The following NTSR1 variants were observed in gnomAD, a reference collection of about 807,000 sequenced individuals.
NTSR1 encodes the protein neurotensin receptor 1, also known as neurotensin receptor type 1.
Under a neutral mutation model 31.2 loss-of-function variants are expected in NTSR1, and 29 were observed. The ratio of observed to expected loss-of-function variants is 0.93; its 90% CI spans 0.69 to 1.27. The LOEUF (loss-of-function observed/expected upper bound fraction) is 1.27, where lower values mean the gene tolerates loss of function less well. Ranked by LOEUF, NTSR1 falls within the 50% of genes most tolerant of loss-of-function variation. NTSR1 has a pLI of 0.00. For synonymous variants in NTSR1, 282 were observed against 269.9 expected (o/e 1.04, Z -0.44); for missense variants, 697 against 595.4 (o/e 1.17, Z -1.78).
intron 1 of NTSR1, among the ~76,000 whole-genome samples, chr20:62,716,272 G>T (rs1988715965): frequency 6.6e-6 from 1 of 152,118 alleles, no homozygotes; most frequent in South Asian, 2.1e-4. Flanking sequence ...AGAATCTCAG[G>T]CCTCCCCTGG....
chr20:62,753,466 A>AC (rs1306918782), intron 1 of NTSR1, among the ~76,000 whole-genome samples: 1 of 152,078 alleles, frequency 6.6e-6, no homozygotes, highest in Admixed American at 6.5e-5. Flanking sequence ...CACGGCAGAT[A>AC]CCCCTGGACT....
chr20:62,720,233 G>C (rs772367738), intron 1 of NTSR1, among the ~76,000 whole-genome samples: 4 of 152,206 alleles, frequency 2.6e-5, no homozygotes, highest in Non-Finnish European at 5.9e-5. Context: ...TCGGGAGGTG[G>C]AGGTTGCAAT....
At chr20:62,757,915 C>G (rs1989539204) in intron 2 of NTSR1, among the ~76,000 whole-genome samples, 2 of 151,844 alleles carry the variant, frequency 1.3e-5, no homozygotes, top group Non-Finnish European at 2.9e-5. Flanking sequence ...CATGTCTCCC[C>G]CACTGAGCCC....
At chr20:62,752,300 T>C (rs1346509340) in intron 1 of NTSR1, among the ~76,000 whole-genome samples, 4 of 152,282 alleles carry the variant, frequency 2.6e-5, no homozygotes, top group Non-Finnish European at 1.5e-5. Flanking sequence ...GGCAGCTCCT[T>C]ACCCAGAGCG....
intron 1 of NTSR1, among the ~76,000 whole-genome samples, chr20:62,747,525 C>T (rs1989321798): frequency 6.8e-6 from 1 of 147,998 alleles, no homozygotes. Flanking sequence ...GTGTAAAGGC[C>T]ACGTATGACA....
rs1989349743 is a variant in NTSR1 at position 62,749,116 on chromosome 20, T to C, written c.715-5569T>C. 2.6e-5 allele frequency among the ~76,000 whole-genome samples: 4 copies of C among 152,138 alleles called. 1 individual carries two copies. In the South Asian group the frequency reaches 8.3e-4, roughly 32 times the overall value. ...GGGAAAAAGCAGTCTCCTCAAACAG[T>C]GATGGGAAAACTGGATATCCCCATG... On this transcript the variant is annotated intron_variant, in intron 1 of 3. Transcript: ENST00000370501.
Position 62,762,695 on chromosome 20 carries a change from A to T in NTSR1, c.*2428A>T, listed in dbSNP as rs2147152591. On this transcript the variant is annotated 3_prime_UTR_variant, in exon 4 of 4. Coordinates refer to ENST00000370501, the MANE Select transcript of NTSR1 (RefSeq NM_002531.3). ...CCTCACAGCTCAAACGCCCACCCCC[A>T]CTCCCACCATCTGCAGGTGGTGAAA... is the stretch of plus-strand genomic sequence containing the variant. The T allele has an allele frequency of 6.7e-6, 1 of 150,096 alleles. No individual in the cohort carries two copies. Among genetic ancestry groups the T allele is most frequent in the African/African-American group, 2.5e-5 (1 of 40,620 alleles). The allele number at this position is 150,096 out of a possible 1,614,324, so 9.3% of individuals were successfully genotyped here. A position where few individuals can be genotyped will look rare whatever the true frequency, so the allele number is the denominator to read the frequency against.
At chr20:62,739,398 C>A (rs575349435) in intron 1 of NTSR1, among the ~76,000 whole-genome samples, 5 of 152,328 alleles carry the variant, frequency 3.3e-5, no homozygotes, top group African/African-American at 4.8e-5. Flanking sequence ...ACAGAAGGGG[C>A]CTGGCTGAAG....
intron 1 of NTSR1, among the ~76,000 whole-genome samples, chr20:62,730,030 C>T (rs1233657443): frequency 6.6e-6 from 1 of 152,122 alleles, no homozygotes; most frequent in East Asian, 1.9e-4. Context: ...CTGTTAATAA[C>T]AGGTGTCTCC....
intron 1 of NTSR1, among the ~76,000 whole-genome samples, chr20:62,712,118 A>G (rs1027400377): frequency 6.6e-6 from 1 of 152,208 alleles, no homozygotes; most frequent in Non-Finnish European, 1.5e-5. Context: ...GTGTGCTTGA[A>G]AAGAACATTC....
Position 62,740,561 on chromosome 20 carries a change from G to A in NTSR1, c.715-14124G>A, listed in dbSNP as rs116750830. On this transcript the variant is annotated intron_variant, in intron 1 of 3. Transcript: ENST00000370501. ...AGGCGGGAGGGAAAAGGGTTGTGCC[G>A]ACAGTCTGAGGGTGGAGACCAGAGC... Among the ~76,000 whole-genome samples the A allele has an allele frequency of 8.0e-3, 1,211 of 152,154 alleles. 13 individuals are homozygous for A. Among genetic ancestry groups the A allele is most frequent in the African/African-American group, 0.014 (560 of 41,474 alleles).
In NTSR1 at chr20:62,747,264, A is replaced by G. The variant is rs561157662; in HGVS notation, c.715-7421A>G. ...ACACAATAAAGGCCACGTATGACAG[A>G]CCCACAGCTAACACCACACTCAGTG... On this transcript the variant is annotated intron_variant, in intron 1 of 3. Coordinates refer to ENST00000370501, the MANE Select transcript of NTSR1 (RefSeq NM_002531.3). 2.6e-5 allele frequency among the ~76,000 whole-genome samples: 4 copies of G among 151,552 alleles called. No homozygotes were observed. In the South Asian group the frequency reaches 8.3e-4, roughly 32 times the overall value.
intron 2 of NTSR1, among the ~76,000 whole-genome samples, chr20:62,757,006 A>G (rs1989524721): frequency 6.6e-6 from 1 of 152,116 alleles, no homozygotes. Context: ...GTGATTTGCA[A>G]ATATTTTCTC....
intron 1 of NTSR1, among the ~76,000 whole-genome samples, chr20:62,736,863 G>C (rs1161426198): frequency 1.3e-5 from 2 of 152,218 alleles, no homozygotes; most frequent in African/African-American, 4.8e-5. Flanking sequence ...GATCGTGGGG[G>C]CGGTTCCCCC....
At chr20:62,721,386 C>T (rs1568698161) in intron 1 of NTSR1, among the ~76,000 whole-genome samples, 1 of 152,150 alleles carries the variant, frequency 6.6e-6, no homozygotes, top group African/African-American at 2.4e-5. Context: ...GGTTCTTTTT[C>T]TGTTAAGTAA....
At chr20:62,736,944 T>TCACTCACACCGTCCTGCTGC (rs1989106689) in intron 1 of NTSR1, among the ~76,000 whole-genome samples, 1 of 152,212 alleles carries the variant, frequency 6.6e-6, no homozygotes, top group African/African-American at 2.4e-5. Context: ...TGCCCTGCTG[T>TCACTCACACCGTCCTGCTGC]CACTCACACC....
Position 62,716,000 on chromosome 20 carries a change from T to C in NTSR1, c.714+6079T>C, listed in dbSNP as rs114634653. 8.2e-3 allele frequency among the ~76,000 whole-genome samples: 1,243 copies of C among 152,340 alleles called. 14 individuals are homozygous for C. The highest frequency in any genetic ancestry group is 0.029 in the African/African-American group (1,190 of 41,574). On this transcript the variant is annotated intron_variant, in intron 1 of 3. Transcript: ENST00000370501. The surrounding 1 kb of genome is among the most constrained non-coding windows in gnomAD (Gnocchi z 4.7). Reference sequence around the variant, plus strand: ...TCACGTGGTGATCTAGTAGTTTGTATTAAGAGAAGAAAGAAGCTTTTCTTT... The same window carrying C: ...TCACGTGGTGATCTAGTAGTTTGTACTAAGAGAAGAAAGAAGCTTTTCTTT...
intron 1 of NTSR1, among the ~76,000 whole-genome samples, chr20:62,737,733 C>G (rs1464220526): frequency 6.6e-6 from 1 of 152,036 alleles, no homozygotes; most frequent in Non-Finnish European, 1.5e-5. Flanking sequence ...CCTGGCCCCA[C>G]CCCTGAGAGC....
chr20:62,728,347 G>A lies in NTSR1; in HGVS notation c.714+18426G>A, dbSNP rs186443331. Among the ~76,000 whole-genome samples the A allele has an allele frequency of 1.1e-3, 166 of 152,254 alleles. 1 individual carries two copies. The highest frequency in any genetic ancestry group is 4.6e-3 in the East Asian group (24 of 5,162). ...TGAAGCCCTGTTTCCCCATCCCTGC[G>A]GTCAGTGTGTGCGGCAGCCCCACCC... On this transcript the variant is annotated intron_variant, in intron 1 of 3. Transcript: ENST00000370501.
Sources: allele counts gnomAD v4.1 joint callset (sites outside exome capture counted in the v4.1 genomes callset), GRCh38; gene constraint gnomAD v4.1.1; non-coding constraint Gnocchi (gnomAD v3.1); transcripts MANE v1.5; gene names NCBI Gene and HGNC (gene_info 2026-07-23, HGNC 2026-07-21).